PTCHD1: variants seen among roughly 807,000 people sequenced by gnomAD.
The protein encoded by PTCHD1 is patched domain containing 1.
PTCHD1 carries 3 observed loss-of-function variants against 34.6 expected under a neutral mutation model. That is an observed-to-expected ratio of 0.09 (90% CI 0.04 to 0.22). PTCHD1 has a LOEUF of 0.22. PTCHD1 is among the 10% of genes least tolerant of loss of function. The pLI, the probability that PTCHD1 is intolerant of heterozygous loss-of-function variation, is 1.00. For synonymous variants in PTCHD1, 305 were observed against 283.1 expected (o/e 1.08, Z -0.77); for missense variants, 504 against 685.5 (o/e 0.74, Z 2.96).
chrX:23,342,953 T>C (rs367693288), intron 1 of PTCHD1, among the ~76,000 whole-genome samples: 200 of 112,270 alleles, frequency 1.8e-3, no homozygotes, highest in African/African-American at 6.3e-3. Context: ...TGTCATGTGA[T>C]CGTTTCTCTT....
Position 23,402,009 on chromosome X carries a change from A to T in PTCHD1, c.*7824A>T, listed in dbSNP as rs908134511. The T allele has an allele frequency of 1.8e-5, 2 of 112,405 alleles. No individual in the cohort carries two copies. The allele number at this position is 112,405 out of a possible 1,213,427, so 9.3% of individuals were successfully genotyped here. On this transcript the variant is annotated 3_prime_UTR_variant, in exon 3 of 3. Coordinates refer to ENST00000379361, the MANE Select transcript of PTCHD1 (RefSeq NM_173495.3). ...TCTTCCAAGGTATGGAATTGTGGAA[A>T]TTTATTTAGAATATTTGCTTGGTGA...
In PTCHD1 at chrX:23,384,139, A is replaced by G. The variant is rs916094232; in HGVS notation, c.1012+3888A>G. 6.2e-5 allele frequency among the ~76,000 whole-genome samples: 7 copies of G among 112,570 alleles called. No individual in the cohort carries two copies. In the East Asian group the frequency reaches 1.7e-3, roughly 27 times the overall value. On this transcript the variant is annotated intron_variant, in intron 2 of 2. Transcript: ENST00000379361. ...AAGTTTTCTCCCTTCTGCATCTGGA[A>G]GGTTTGTTGCTTCATGTACATCCTG...
chrX:23,343,060 T>C (rs1921383900), intron 1 of PTCHD1, among the ~76,000 whole-genome samples: 1 of 112,495 alleles, frequency 8.9e-6, no homozygotes, highest in Admixed American at 9.4e-5. Flanking sequence ...AGCAGGTGCT[T>C]AATAAATTGT....
Position 23,394,409 on chromosome X carries a change from G to GACACACACAC in PTCHD1, c.*257_*266dup, listed in dbSNP as rs34539351. 0.033 allele frequency: 6,452 copies of GACACACACAC among 197,330 alleles called. 120 individuals are homozygous for GACACACACAC. Among genetic ancestry groups the GACACACACAC allele is most frequent in the Admixed American group, 0.067 (826 of 12,272 alleles). The allele number at this position is 197,330 out of a possible 1,213,427, so 16.3% of individuals were successfully genotyped here. A position where few individuals can be genotyped will look rare whatever the true frequency, so the allele number is the denominator to read the frequency against. On this transcript the variant is annotated 3_prime_UTR_variant, in exon 3 of 3. Coordinates refer to ENST00000379361, the MANE Select transcript of PTCHD1 (RefSeq NM_173495.3). ...TGTTATGAGAATTCACACACACATA[G>GACACACACAC]ACACACACACACACACACACACACA... is the stretch of plus-strand genomic sequence containing the variant.
chrX:23,385,375 CTCAG>C (rs1922660728), intron 2 of PTCHD1, among the ~76,000 whole-genome samples: 1 of 111,192 alleles, frequency 9.0e-6, no homozygotes, highest in Non-Finnish European at 1.9e-5. Flanking sequence ...GAAAGCAGAA[CTCAG>C]TCAGAGGAAT....
intron 1 of PTCHD1, among the ~76,000 whole-genome samples, chrX:23,369,595 G>A (rs757512591): frequency 9.0e-6 from 1 of 111,489 alleles, no homozygotes; most frequent in Non-Finnish European, 1.9e-5. Context: ...TCCCTGATTT[G>A]CTGTGAGGGT....
At chrX:23,375,907 A>T (rs1922403182) in intron 1 of PTCHD1, among the ~76,000 whole-genome samples, 1 of 112,108 alleles carries the variant, frequency 8.9e-6, no homozygotes, top group African/African-American at 3.2e-5. Context: ...AATTTACGTG[A>T]TGTGTTCAGA....
At chrX:23,374,199 G>A (rs1208122058) in intron 1 of PTCHD1, among the ~76,000 whole-genome samples, 1 of 102,939 alleles carries the variant, frequency 9.7e-6, no homozygotes, top group Non-Finnish European at 2.0e-5. Flanking sequence ...GTTTGAGGCT[G>A]ACCCCAGAGC....
chrX:23,343,146 C>T (rs1023020652), intron 1 of PTCHD1, among the ~76,000 whole-genome samples: 1 of 112,438 alleles, frequency 8.9e-6, no homozygotes, highest in Non-Finnish European at 1.9e-5. Flanking sequence ...TATAATTTTG[C>T]CTGGTAGCAT....
At chrX:23,387,254 T>C (rs1272278901) in intron 2 of PTCHD1, among the ~76,000 whole-genome samples, 8 of 111,613 alleles carry the variant, frequency 7.2e-5, no homozygotes, top group Non-Finnish European at 1.5e-4. Context: ...CTCAACTATT[T>C]GTTAGTAGAT....
rs1212051238 is a variant in PTCHD1, at chrX:23,357,781, G to A, written c.352-21810G>A. On this transcript the variant is annotated intron_variant, in intron 1 of 2. Coordinates refer to ENST00000379361, the MANE Select transcript of PTCHD1 (RefSeq NM_173495.3). ...ACCCATCAACCCGTCATTTACATTA[G>A]GTATTTCTCCCAGTGCCATCCCTCC... Among the ~76,000 whole-genome samples the A allele has an allele frequency of 2.7e-5, 3 of 111,277 alleles. No individual in the cohort carries two copies. The East Asian group carries it at 8.4e-4, about 31-fold the overall frequency.
intron 1 of PTCHD1, among the ~76,000 whole-genome samples, chrX:23,350,440 T>A (rs745861511): frequency 9.0e-6 from 1 of 110,630 alleles, no homozygotes; most frequent in Non-Finnish European, 1.9e-5. Context: ...GCTGGGTGAG[T>A]AGAAAGAGGA....
At chrX:23,346,047 C>T (rs754149351) in intron 1 of PTCHD1, among the ~76,000 whole-genome samples, 5 of 111,536 alleles carry the variant, frequency 4.5e-5, no homozygotes, top group African/African-American at 6.5e-5. Context: ...CCATGGATGT[C>T]GTTGCTACCA....
chrX:23,339,361 T>C (rs923157550), intron 1 of PTCHD1, among the ~76,000 whole-genome samples: 1 of 111,980 alleles, frequency 8.9e-6, no homozygotes, highest in Non-Finnish European at 1.9e-5. Context: ...ATTGCCTTTG[T>C]ACAAAGTCCT....
At chrX:23,376,315 C>G (rs930593099) in intron 1 of PTCHD1, among the ~76,000 whole-genome samples, 1 of 112,114 alleles carries the variant, frequency 8.9e-6, no homozygotes, top group African/African-American at 3.2e-5. Context: ...CCTTCGTTTT[C>G]TTTTCTGAGA....
chrX:23,350,409 C>T (rs1055626042), intron 1 of PTCHD1, among the ~76,000 whole-genome samples: 3 of 111,321 alleles, frequency 2.7e-5, no homozygotes, highest in African/African-American at 9.8e-5. Flanking sequence ...AAAAGGGTGA[C>T]GTTGGCTTAG....
intron 1 of PTCHD1, among the ~76,000 whole-genome samples, chrX:23,373,591 G>T (rs983677357): frequency 5.3e-5 from 6 of 112,653 alleles, no homozygotes; most frequent in Non-Finnish European, 7.5e-5. Context: ...CCTAACTTGC[G>T]ACTTCTGGTG....
intron 1 of PTCHD1, among the ~76,000 whole-genome samples, chrX:23,365,923 G>C (rs1922128220): frequency 8.9e-6 from 1 of 112,110 alleles, no homozygotes; most frequent in South Asian, 3.7e-4. Context: ...CTTTAGAAGT[G>C]TACATACAGA....
chrX:23,354,698 G>A lies in PTCHD1; in HGVS notation c.351+19472G>A, dbSNP rs766082260. Among the ~76,000 whole-genome samples, 32 of 105,854 alleles carry A rather than the reference G, an allele frequency of 3.0e-4. No homozygotes were observed. In the South Asian group the frequency reaches 0.013, roughly 44 times the overall value. 91.9% of individuals were successfully genotyped at this position (105,854 alleles called of 115,157 possible). ...AACTATTCTCCTGCCTCAGCCTCCCGAGTAGCTGCGACTACAGGCGCCTGC... is the reference window on the plus strand; with the variant it reads ...AACTATTCTCCTGCCTCAGCCTCCCAAGTAGCTGCGACTACAGGCGCCTGC... On this transcript the variant is annotated intron_variant, in intron 1 of 2. Transcript: ENST00000379361.
Sources: gnomAD v4.1 joint callset for allele counts (sites outside exome capture counted in the v4.1 genomes callset) on GRCh38, gnomAD v4.1.1 for gene constraint, MANE v1.5 for transcripts, NCBI Gene and HGNC (gene_info 2026-07-23, HGNC 2026-07-21) for gene names.